The following C6 variants were observed in gnomAD, a reference collection of about 807,000 sequenced individuals.
C6 encodes the protein complement component C6.
In C6, 101 loss-of-function variants were observed where a neutral mutation model predicts 112.9. The observed-to-expected ratio is 0.89, with a 90% CI of 0.76 to 1.06. The LOEUF (loss-of-function observed/expected upper bound fraction) is 1.06. Ranked by LOEUF, C6 falls within the 50% of genes least tolerant of loss-of-function variation. C6 has a pLI of 0.00. For synonymous variants in C6, 431 were observed against 384.1 expected, an observed-to-expected ratio of 1.12 and a Z score of -1.43; for missense variants, 1,202 against 1,104.6, an observed-to-expected ratio of 1.09 and a Z score of -1.25.
intron 5 of C6, 68 bp from the exon 6 acceptor site, chr5:41,186,276 A>T: frequency 6.5e-7 from 1 of 1,543,176 alleles, no homozygotes; most frequent in Non-Finnish European, 8.9e-7. Flanking sequence ...CCTTAGTTAT[A>T]TGAAAGGAAT....
chr5:41,143,115 T>C, intron 17 of C6, 109 bp from the exon 18 acceptor site: 1 of 977,104 alleles, frequency 1.0e-6, no homozygotes, highest in Non-Finnish European at 1.6e-6. Context: ...TAAATTAAGT[T>C]TGGTCTAAAG....
rs1182237531 is a variant in C6, at chr5:41,154,637, C to G, written c.2101+335G>C. 3.9e-5 allele frequency among the ~76,000 whole-genome samples: 6 copies of G among 152,172 alleles called. No homozygotes were observed. The East Asian group carries it at 1.2e-3, about 29-fold the overall frequency. ...GTGTAAATATCATCTTCTTGAGACT[C>G]AGCATTTTGCGTCAATTTGAACATT... On this transcript the variant is annotated intron_variant, in intron 14 of 17. Coordinates refer to ENST00000337836, the MANE Select transcript of C6 (RefSeq NM_000065.5).
chr5:41,142,765 A>T lies in C6; in HGVS notation c.*60T>A. The T allele has an allele frequency of 2.4e-6, 3 of 1,267,606 alleles. No homozygotes were observed. Among genetic ancestry groups the T allele is most frequent in the Non-Finnish European group, 3.5e-6 (3 of 865,114 alleles). 78.5% of individuals were successfully genotyped at this position (1,267,606 alleles called of 1,614,324 possible). On this transcript the variant is annotated 3_prime_UTR_variant, in exon 18 of 18. Coordinates refer to ENST00000337836, the MANE Select transcript of C6 (RefSeq NM_000065.5). ...TGTTTGTGCAAGAATTCTCATTTGT[A>T]GGAGTTGGTTCTTCGGGATGGTAAA...
chr5:41,195,392 C>T (rs1158272947), intron 5 of C6, among the ~76,000 whole-genome samples: 1 of 152,150 alleles, frequency 6.6e-6, no homozygotes, highest in African/African-American at 2.4e-5. Context: ...CCCTCTTTCT[C>T]CATTTGCTCC....
intron 1 of C6, among the ~76,000 whole-genome samples, chr5:41,246,131 G>T (rs1741005776): frequency 6.6e-6 from 1 of 152,024 alleles, no homozygotes. Context: ...GTTTACCAGG[G>T]CCTCCTTTTC....
chr5:41,155,236 T>C, intron 13 of C6, 132 bp from the exon 14 acceptor site: 1 of 788,938 alleles, frequency 1.3e-6, no homozygotes. Flanking sequence ...AATTTCTACT[T>C]CTAAAAACCT....
At chr5:41,150,590 T>C (rs1746292540) in intron 15 of C6, among the ~76,000 whole-genome samples, 1 of 151,966 alleles carries the variant, frequency 6.6e-6, no homozygotes. Context: ...TATGGAAAAG[T>C]TCAAATGGGA....
Position 41,142,818 on chromosome 5 carries a change from A to G in C6, c.*7T>C. The G allele has an allele frequency of 6.2e-7, 1 of 1,607,802 alleles. No homozygotes were observed. On this transcript the variant is annotated 3_prime_UTR_variant, in exon 18 of 18. Coordinates refer to ENST00000337836, the MANE Select transcript of C6 (RefSeq NM_000065.5). ...TGTTCATTGTGCTGGGCCTAGCAGT[A>G]ATTGTGCTAGGCCAAACACTTTCCA... is the stretch of plus-strand genomic sequence containing the variant.
chr5:41,230,628 T>A (rs1739836538), intron 1 of C6, among the ~76,000 whole-genome samples: 1 of 152,152 alleles, frequency 6.6e-6, no homozygotes, highest in South Asian at 2.1e-4. Flanking sequence ...AATTCTAATT[T>A]TGCCTTTGCC....
chr5:41,188,690 A>C (rs958848389), intron 5 of C6, among the ~76,000 whole-genome samples: 1 of 152,100 alleles, frequency 6.6e-6, no homozygotes, highest in African/African-American at 2.4e-5. Context: ...ATAGGACTAA[A>C]TATTTGTGAA....
intron 14 of C6, 133 bp downstream of exon 14, chr5:41,154,839 T>C: frequency 1.1e-6 from 1 of 900,476 alleles, no homozygotes; most frequent in Non-Finnish European, 1.8e-6. Context: ...TATTTTCTGC[T>C]TCACAAAATC....
At chr5:41,250,487 A>G (rs890043832) in intron 1 of C6, among the ~76,000 whole-genome samples, 1 of 152,202 alleles carries the variant, frequency 6.6e-6, no homozygotes, top group Non-Finnish European at 1.5e-5. Flanking sequence ...TATTGTCTCT[A>G]TCTTCTCTGT....
Position 41,161,735 on chromosome 5 carries a change from C to A in C6, c.1416G>T (p.Trp472Cys). The A allele has an allele frequency of 6.2e-7, 1 of 1,613,570 alleles. No individual in the cohort carries two copies. Among genetic ancestry groups the A allele is most frequent in the Non-Finnish European group, 8.5e-7 (1 of 1,179,630 alleles). Residue 472 changes from tryptophan (W) to cysteine (C), a missense_variant, in exon 10 of 18, where the codon TGG becomes TGT. Transcript: ENST00000337836. Reference protein sequence around the residue: ...SGLEEKTFSEWLESVKENPAV... With the variant: ...SGLEEKTFSECLESVKENPAV... ...CAGGATTTTCCTTCACTGATTCTAA[C>A]CACTCAGAAAATGTCTTCTCCTCCA...
intron 1 of C6, among the ~76,000 whole-genome samples, chr5:41,256,167 T>C (rs1471348524): frequency 6.6e-6 from 1 of 152,116 alleles, no homozygotes. Context: ...ATGTGCCACA[T>C]TTTCTTAATC....
intron 1 of C6, among the ~76,000 whole-genome samples, chr5:41,233,463 A>G (rs1740035335): frequency 6.6e-6 from 1 of 152,116 alleles, no homozygotes; most frequent in African/African-American, 2.4e-5. Context: ...TTCACTATAG[A>G]TGGAGAAGCT....
At chr5:41,240,136 G>T (rs1182920697) in intron 1 of C6, among the ~76,000 whole-genome samples, 1 of 152,096 alleles carries the variant, frequency 6.6e-6, no homozygotes, top group South Asian at 2.1e-4. Flanking sequence ...GGCTTGAAAA[G>T]GTTTTTAGCT....
chr5:41,226,005 G>A (rs545988804), intron 1 of C6, among the ~76,000 whole-genome samples: 1 of 152,254 alleles, frequency 6.6e-6, no homozygotes, highest in Admixed American at 6.5e-5. Flanking sequence ...AACCCTAGAA[G>A]AAAACCTAGG....
upstream of C6, among the ~76,000 whole-genome samples, chr5:41,217,340 G>T (rs553923686): frequency 5.3e-5 from 8 of 152,036 alleles, no homozygotes; most frequent in Non-Finnish European, 1.0e-4. Flanking sequence ...TAGATTCAAA[G>T]TTCCTTTATA....
At chr5:41,212,513 G>T (rs555661131) in intron 1 of C6, among the ~76,000 whole-genome samples, 13 of 152,164 alleles carry the variant, frequency 8.5e-5, no homozygotes, top group African/African-American at 3.1e-4. Context: ...TGTTATGATG[G>T]CCTAGCATAT....
Sources: gnomAD v4.1 joint callset for allele counts (sites outside exome capture counted in the v4.1 genomes callset) on GRCh38, gnomAD v4.1.1 for gene constraint, MANE v1.5 for transcripts, NCBI Gene and HGNC (gene_info 2026-07-23, HGNC 2026-07-21) for gene names.